IL1RAPL2: variants seen among roughly 807,000 people sequenced by gnomAD.
IL1RAPL2 encodes the protein X-linked interleukin-1 receptor accessory protein-like 2.
A neutral mutation model predicts 44.1 loss-of-function variants in IL1RAPL2; 3 were observed. That is an observed-to-expected ratio of 0.07 (90% CI 0.03 to 0.18). The LOEUF (loss-of-function observed/expected upper bound fraction) is 0.18, where lower values mean the gene tolerates loss of function less well. Ranked by LOEUF, IL1RAPL2 falls within the 10% of genes least tolerant of loss-of-function variation. The pLI is 1.00. For missense variants in IL1RAPL2, 391 were observed against 496.4 expected (o/e 0.79, Z 2.02); for synonymous variants, 181 against 178.8 (o/e 1.01, Z -0.10).
chrX:105,658,570 A>G (rs922759869), intron 6 of IL1RAPL2, among the ~76,000 whole-genome samples: 1 of 111,600 alleles, frequency 9.0e-6, no homozygotes, highest in African/African-American at 3.3e-5. Flanking sequence ...CACACCTGTA[A>G]TCCCAGCAAT....
intron 2 of IL1RAPL2, among the ~76,000 whole-genome samples, chrX:105,026,829 GA>G (rs1285803862): frequency 9.8e-6 from 1 of 101,646 alleles, no homozygotes; most frequent in African/African-American, 3.6e-5. Context: ...CACAGAAATA[GA>G]AAAAAAATCC....
At chrX:105,629,259 CA>C (rs2037476018) in intron 6 of IL1RAPL2, among the ~76,000 whole-genome samples, 3 of 111,367 alleles carry the variant, frequency 2.7e-5, no homozygotes, top group African/African-American at 9.8e-5. Context: ...CTGAACTGGC[CA>C]ACTTAGAAAA....
At chrX:104,687,792 T>G (rs1247004849) in intron 2 of IL1RAPL2, among the ~76,000 whole-genome samples, 1 of 111,523 alleles carries the variant, frequency 9.0e-6, no homozygotes, top group Non-Finnish European at 1.9e-5. Flanking sequence ...GAACTGGATC[T>G]ATGTTGCTTA....
intron 1 of IL1RAPL2, among the ~76,000 whole-genome samples, chrX:104,638,144 T>A (rs1303656115): frequency 9.0e-6 from 1 of 111,713 alleles, no homozygotes; most frequent in East Asian, 2.8e-4. Flanking sequence ...TTCCAGTTTG[T>A]TAACATATAG....
intron 2 of IL1RAPL2, among the ~76,000 whole-genome samples, chrX:104,851,945 G>A (rs753257935): frequency 1.5e-4 from 17 of 111,144 alleles, no homozygotes; most frequent in Admixed American, 2.9e-4. Context: ...TCCAAGAATG[G>A]CACCAAGGTA....
intron 8 of IL1RAPL2, among the ~76,000 whole-genome samples, chrX:105,744,238 A>G (rs141857006): frequency 9.0e-6 from 1 of 111,604 alleles, no homozygotes; most frequent in Non-Finnish European, 1.9e-5. Flanking sequence ...ACCAGTTTGT[A>G]CTCTCCGTTC....
At chrX:104,680,123 T>C (rs1235000789) in intron 2 of IL1RAPL2, among the ~76,000 whole-genome samples, 6 of 112,062 alleles carry the variant, frequency 5.4e-5, no homozygotes, top group African/African-American at 1.3e-4. Flanking sequence ...ATGCAAGTGA[T>C]GGTCCAGCTG....
chrX:105,112,314 A>T (rs1029979869), intron 2 of IL1RAPL2, among the ~76,000 whole-genome samples: 2 of 112,161 alleles, frequency 1.8e-5, no homozygotes, highest in African/African-American at 6.5e-5. Context: ...GTCTTGCTTA[A>T]AGAGAAGAAT....
chrX:104,904,889 C>T (rs1274027713), intron 2 of IL1RAPL2, among the ~76,000 whole-genome samples: 2 of 111,030 alleles, frequency 1.8e-5, no homozygotes, highest in African/African-American at 3.3e-5. Context: ...CTGACTTCCA[C>T]AATGGTTGAA....
chrX:105,112,040 G>C (rs1316849640), intron 2 of IL1RAPL2, among the ~76,000 whole-genome samples: 1 of 111,829 alleles, frequency 8.9e-6, no homozygotes, highest in Non-Finnish European at 1.9e-5. Flanking sequence ...CTGGGCCAAT[G>C]AACCAACTCA....
intron 2 of IL1RAPL2, among the ~76,000 whole-genome samples, chrX:105,081,811 C>G (rs999169666): frequency 1.8e-5 from 2 of 111,792 alleles, no homozygotes; most frequent in African/African-American, 6.5e-5. Flanking sequence ...GCCTTGCATC[C>G]CAGGGATGAA....
At chrX:104,914,683 A>T (rs1455398259) in intron 2 of IL1RAPL2, among the ~76,000 whole-genome samples, 5 of 110,668 alleles carry the variant, frequency 4.5e-5, no homozygotes, top group African/African-American at 1.6e-4. Context: ...GTCATTTAGC[A>T]TTAGGTATAT....
intron 2 of IL1RAPL2, among the ~76,000 whole-genome samples, chrX:104,705,343 G>A (rs1931347240): frequency 9.0e-6 from 1 of 111,146 alleles, no homozygotes; most frequent in African/African-American, 3.3e-5. Flanking sequence ...CTCTGTGCCT[G>A]CTTCTCATTT....
intron 7 of IL1RAPL2, among the ~76,000 whole-genome samples, chrX:105,735,837 G>A (rs1282784002): frequency 1.8e-5 from 2 of 111,076 alleles, no homozygotes; most frequent in African/African-American, 6.5e-5. Context: ...TATTGGAAAA[G>A]AATCATTTAT....
At chrX:105,149,168 A>G (rs2033203803) in intron 2 of IL1RAPL2, among the ~76,000 whole-genome samples, 1 of 111,837 alleles carries the variant, frequency 8.9e-6, no homozygotes, top group Admixed American at 9.5e-5. Context: ...TGGTTTCTTT[A>G]TGGGAGAGGA....
chrX:105,034,505 C>T (rs2031582900), intron 2 of IL1RAPL2, among the ~76,000 whole-genome samples: 1 of 112,338 alleles, frequency 8.9e-6, no homozygotes, highest in Non-Finnish European at 1.9e-5. Flanking sequence ...ACCCTGTTTG[C>T]CTGGGTATCA....
At chrX:104,877,618 C>T (rs1922943366) in intron 2 of IL1RAPL2, among the ~76,000 whole-genome samples, 1 of 112,266 alleles carries the variant, frequency 8.9e-6, no homozygotes, top group African/African-American at 3.2e-5. Flanking sequence ...AGAACTTACA[C>T]ATGTAACTAT....
intron 5 of IL1RAPL2, among the ~76,000 whole-genome samples, chrX:105,283,585 G>T (rs1388361643): frequency 1.8e-5 from 2 of 111,087 alleles, no homozygotes; most frequent in Admixed American, 9.7e-5. Flanking sequence ...TTACTAATAG[G>T]GTAGACAGTA....
intron 5 of IL1RAPL2, among the ~76,000 whole-genome samples, chrX:105,468,848 T>C (rs756522543): frequency 5.4e-5 from 6 of 111,833 alleles, no homozygotes; most frequent in Non-Finnish European, 1.1e-4. Context: ...TGAGAGGAAG[T>C]TGGGAGGGAC....
Sources: gnomAD v4.1 joint callset for allele counts (sites outside exome capture counted in the v4.1 genomes callset) on GRCh38, gnomAD v4.1.1 for gene constraint, MANE v1.5 for transcripts, NCBI Gene and HGNC (gene_info 2026-07-23, HGNC 2026-07-21) for gene names.